ZNF90: variants seen among roughly 807,000 people sequenced by gnomAD.
ZNF90 encodes zinc finger protein HTF9.
In ZNF90, 11 loss-of-function variants were observed where a neutral mutation model predicts 12.0. The ratio of observed to expected loss-of-function variants is 0.92; its 90% CI spans 0.58 to 1.52. ZNF90 has a LOEUF of 1.52. ZNF90 is among the 40% of genes most tolerant of loss of function. ZNF90 has a pLI of 0.00. For synonymous variants in ZNF90, 232 were observed against 240.1 expected, an observed-to-expected ratio of 0.97 and a Z score of 0.31; for missense variants, 765 against 711.5, an observed-to-expected ratio of 1.08 and a Z score of -0.86.
intron 1 of ZNF90, among the ~76,000 whole-genome samples, chr19:20,091,072 A>C (rs2088898512): frequency 6.6e-6 from 1 of 152,088 alleles, no homozygotes; most frequent in South Asian, 2.1e-4. Context: ...TGTCTGACAG[A>C]AGGGAAGAAA....
chr19:20,109,846 A>G (rs192363942), intron 3 of ZNF90, among the ~76,000 whole-genome samples: 1 of 152,306 alleles, frequency 6.6e-6, no homozygotes, highest in Non-Finnish European at 1.5e-5. Flanking sequence ...GTCTCCAAAA[A>G]AAAAAGCTGT....
chr19:20,109,244 G>A (rs1186485059), intron 3 of ZNF90, among the ~76,000 whole-genome samples: 4 of 152,112 alleles, frequency 2.6e-5, no homozygotes, highest in Non-Finnish European at 4.4e-5. Context: ...GTCCATTTGA[G>A]GTTTAAGAGA....
chr19:20,115,948 A>G (rs2089133257), intron 3 of ZNF90, among the ~76,000 whole-genome samples: 1 of 152,086 alleles, frequency 6.6e-6, no homozygotes, highest in Non-Finnish European at 1.5e-5. Context: ...ATCTCGGCTG[A>G]CTGCAACCTC....
chr19:20,082,065 G>T (rs2088824657), intron 1 of ZNF90, among the ~76,000 whole-genome samples: 1 of 150,706 alleles, frequency 6.6e-6, no homozygotes, highest in African/African-American at 2.4e-5. Flanking sequence ...CGCCTGGCCT[G>T]TTTTTTTTTC....
chr19:20,107,505 C>T (rs2089050260), intron 3 of ZNF90, among the ~76,000 whole-genome samples: 1 of 152,178 alleles, frequency 6.6e-6, no homozygotes, highest in Non-Finnish European at 1.5e-5. Context: ...GGAATGGCAT[C>T]TTGCTGCATA....
chr19:20,086,236 T>C (rs891076671), intron 1 of ZNF90, among the ~76,000 whole-genome samples: 4 of 128,982 alleles, frequency 3.1e-5, no homozygotes, highest in Non-Finnish European at 6.3e-5. Flanking sequence ...TCTTTTCTTT[T>C]TTTTTTTTTT....
chr19:20,103,924 T>A (rs1037803114), intron 1 of ZNF90, among the ~76,000 whole-genome samples: 1 of 152,220 alleles, frequency 6.6e-6, no homozygotes, highest in Non-Finnish European at 1.5e-5. Context: ...TGAAAAATAT[T>A]CACAACTCAT....
intron 1 of ZNF90, among the ~76,000 whole-genome samples, chr19:20,097,053 G>A (rs782611984): frequency 2.6e-5 from 4 of 152,160 alleles, no homozygotes; most frequent in Non-Finnish European, 5.9e-5. Flanking sequence ...TATATATGAC[G>A]TGGTGCTGGA....
intron 3 of ZNF90, among the ~76,000 whole-genome samples, chr19:20,111,918 G>A (rs2089092881): frequency 6.6e-6 from 1 of 151,822 alleles, no homozygotes; most frequent in Non-Finnish European, 1.5e-5. Flanking sequence ...GAGTACAGTG[G>A]CATGATCTCA....
chr19:20,119,207 G>C lies in ZNF90; in HGVS notation c.1653G>C (p.Gln551His). Residue 551 changes from glutamine (Q) to histidine (H), a missense_variant, in exon 4 of 4, where the codon CAG becomes CAC. Physicochemically the swap from Gln to His is conservative, Grantham distance 24. Transcript: ENST00000418063. ...GCAAAGCCTTTAAGCGCTCCTCACA[G>C]CTTACTAGTCATAAGATAAGTCATA... ...ECGKAFKRSSQLTSHKISHTG... is the reference protein window; with the variant it reads ...ECGKAFKRSSHLTSHKISHTG... The C allele has an allele frequency of 6.2e-7, 1 of 1,611,350 alleles. No individual in the cohort carries two copies. The highest frequency in any genetic ancestry group is 8.5e-7 in the Non-Finnish European group (1 of 1,179,174).
chr19:20,091,547 T>C (rs2088903123), intron 1 of ZNF90, among the ~76,000 whole-genome samples: 1 of 152,164 alleles, frequency 6.6e-6, no homozygotes. Flanking sequence ...GGAGAAAAAC[T>C]GGCTGTGAGG....
chr19:20,116,609 A>G (rs2089139082), intron 3 of ZNF90, among the ~76,000 whole-genome samples: 3 of 152,220 alleles, frequency 2.0e-5, no homozygotes, highest in African/African-American at 7.2e-5. Flanking sequence ...ACAAAAAGCT[A>G]CCTGTTACAA....
intron 1 of ZNF90, among the ~76,000 whole-genome samples, chr19:20,078,457 T>G (rs2088794887): frequency 6.6e-6 from 1 of 151,870 alleles, no homozygotes. Flanking sequence ...GGGGTGCAGG[T>G]TCATGAATGG....
At chr19:20,111,865 AT>A (rs34302162) in intron 3 of ZNF90, among the ~76,000 whole-genome samples, 44 of 147,970 alleles carry the variant, frequency 3.0e-4, no homozygotes, top group Non-Finnish European at 3.4e-4. Context: ...ATTTATGCAG[AT>A]TTTTTTTTTT....
intron 3 of ZNF90, among the ~76,000 whole-genome samples, chr19:20,108,422 G>T (rs1010304461): frequency 2.0e-5 from 3 of 152,168 alleles, no homozygotes; most frequent in African/African-American, 7.2e-5. Context: ...CAATTCTTGT[G>T]CCTCAGCCTC....
intron 3 of ZNF90, 45 bp downstream of exon 3, chr19:20,105,361 G>A (rs2089027485): frequency 6.7e-7 from 1 of 1,482,344 alleles, no homozygotes; most frequent in African/African-American, 1.4e-5. Flanking sequence ...ACAGATAAGA[G>A]GTCCCAAGGT....
chr19:20,104,688 T>G (rs1346017716), intron 2 of ZNF90, among the ~76,000 whole-genome samples: 1 of 152,104 alleles, frequency 6.6e-6, no homozygotes, highest in Non-Finnish European at 1.5e-5. Context: ...CACCAGGTAA[T>G]AAAATTTAAA....
intron 3 of ZNF90, among the ~76,000 whole-genome samples, chr19:20,106,044 C>CATTTTTTTTTTTTTT (rs1555704366): frequency 5.6e-5 from 4 of 71,036 alleles, no homozygotes; most frequent in African/African-American, 2.1e-4. Flanking sequence ...CTAATTTTTT[C>CATTTTTTTTTTTTTT]TTTTTTTTTT....
At position 20,094,036 on chromosome 19, in the gene ZNF90, G is replaced by A. The variant is rs150353070; in HGVS notation, c.4-10203G>A. Among the ~76,000 whole-genome samples the A allele has an allele frequency of 2.3e-3, 351 of 152,318 alleles. 2 individuals are homozygous for A. Among genetic ancestry groups the A allele is most frequent in the African/African-American group, 7.7e-3 (322 of 41,574 alleles). On this transcript the variant is annotated intron_variant, in intron 1 of 3. Coordinates refer to ENST00000418063, the MANE Select transcript of ZNF90 (RefSeq NM_007138.2). Reference sequence around the variant, plus strand: ...TGGGACATGGCTTGGGAGGAATCCCGGGCTGCGGGCATTCCTTGGCCCAGT... The same window carrying A: ...TGGGACATGGCTTGGGAGGAATCCCAGGCTGCGGGCATTCCTTGGCCCAGT...
Sources: allele counts gnomAD v4.1 joint callset (sites outside exome capture counted in the v4.1 genomes callset), GRCh38; gene constraint gnomAD v4.1.1; transcripts MANE v1.5; gene names NCBI Gene and HGNC (gene_info 2026-07-23, HGNC 2026-07-21).